COL25A1: variants seen among roughly 807,000 people sequenced by gnomAD.
COL25A1 encodes collagen alpha-1(XXV) chain.
In COL25A1, 103 loss-of-function variants were observed where a neutral mutation model predicts 128.4. The ratio of observed to expected loss-of-function variants is 0.80; its 90% CI spans 0.68 to 0.94. The LOEUF is 0.94. COL25A1 is among the 40% of genes least tolerant of loss of function. The pLI is 0.00. For synonymous variants in COL25A1, 279 were observed against 277.2 expected (o/e 1.01, Z -0.06); for missense variants, 745 against 840.0 (o/e 0.89, Z 1.40).
rs189901580 is a variant in COL25A1 at position 108,833,180 on chromosome 4, T to C, written c.1657-747A>G. ...CTGTTACACAAGTAGAAGAAAATTA[T>C]TAAGTAAATGAAAACAGTGTGTAAC... is the stretch of plus-strand genomic sequence containing the variant. On this transcript the variant is annotated intron_variant, in intron 31 of 37. Coordinates refer to ENST00000399132, the MANE Select transcript of COL25A1 (RefSeq NM_198721.4). Among the ~76,000 whole-genome samples, 6 of 152,248 alleles carry C rather than the reference T, an allele frequency of 3.9e-5. No homozygotes were observed. In the East Asian group the frequency reaches 1.2e-3, roughly 29 times the overall value.
intron 3 of COL25A1, among the ~76,000 whole-genome samples, chr4:109,074,761 A>C (rs1763251479): frequency 6.6e-6 from 1 of 152,216 alleles, no homozygotes; most frequent in Non-Finnish European, 1.5e-5. Flanking sequence ...CATACAGCTA[A>C]GAAAATCATA....
At chr4:109,253,532 T>G (rs13133009) in intron 3 of COL25A1, among the ~76,000 whole-genome samples, 9,389 of 152,272 alleles carry the variant, frequency 0.062, 475 homozygotes, top group East Asian at 0.24. Flanking sequence ...ATTAACTGTT[T>G]ATCTCATCCA....
chr4:109,121,585 C>T (rs1768110114), intron 3 of COL25A1, among the ~76,000 whole-genome samples: 1 of 152,026 alleles, frequency 6.6e-6, no homozygotes, highest in Admixed American at 6.6e-5. Context: ...TTACTATACA[C>T]CTATTAGAAT....
intron 6 of COL25A1, among the ~76,000 whole-genome samples, chr4:108,997,723 T>C (rs113838409): frequency 0.8 from 121,120 of 152,178 alleles, 49,362 homozygotes; most frequent in East Asian, 1. Flanking sequence ...CAAAAATCTT[T>C]AATAAAATAC....
intron 3 of COL25A1, among the ~76,000 whole-genome samples, chr4:109,163,134 T>G (rs1269061278): frequency 6.6e-6 from 1 of 152,076 alleles, no homozygotes; most frequent in Non-Finnish European, 1.5e-5. Flanking sequence ...AGGTTTGTAC[T>G]CCCCAGTAAA....
chr4:109,110,784 A>C (rs1373976003), intron 3 of COL25A1, among the ~76,000 whole-genome samples: 3 of 152,150 alleles, frequency 2.0e-5, no homozygotes, highest in Non-Finnish European at 4.4e-5. Flanking sequence ...CCACACAACA[A>C]ATAAGTTTCC....
intron 11 of COL25A1, among the ~76,000 whole-genome samples, chr4:108,937,074 G>A (rs1747506600): frequency 6.6e-6 from 1 of 152,052 alleles, no homozygotes; most frequent in South Asian, 2.1e-4. Flanking sequence ...TATCCAGGAT[G>A]AGTGTGAGCC....
At chr4:109,002,954 A>G (rs1755595315) in intron 6 of COL25A1, among the ~76,000 whole-genome samples, 2 of 152,036 alleles carry the variant, frequency 1.3e-5, no homozygotes, top group African/African-American at 4.8e-5. Flanking sequence ...GACAGGTTGC[A>G]GTGTGTGATG....
At chr4:109,052,210 GA>G (rs71848943) in intron 3 of COL25A1, among the ~76,000 whole-genome samples, 12,823 of 152,008 alleles carry the variant, frequency 0.084, 738 homozygotes, top group African/African-American at 0.16. Context: ...AGAAGATTAT[GA>G]AAAAAATGAT....
At chr4:108,922,425 A>G (rs1745591300) in intron 11 of COL25A1, among the ~76,000 whole-genome samples, 1 of 152,186 alleles carries the variant, frequency 6.6e-6, no homozygotes, top group Admixed American at 6.5e-5. Flanking sequence ...TTCAATTCAT[A>G]AAGGCTTGTT....
At chr4:108,985,145 A>T (rs999255686) in intron 6 of COL25A1, among the ~76,000 whole-genome samples, 1 of 152,054 alleles carries the variant, frequency 6.6e-6, no homozygotes. Flanking sequence ...GGCTTTTAAT[A>T]TGAGCTTCTA....
At chr4:109,196,667 C>A (rs140748366) in intron 3 of COL25A1, among the ~76,000 whole-genome samples, 6 of 152,290 alleles carry the variant, frequency 3.9e-5, no homozygotes, top group Admixed American at 1.3e-4. Flanking sequence ...TCAAAACATT[C>A]TTCTGTGTGT....
chr4:109,147,661 A>G (rs1404537879), intron 3 of COL25A1, among the ~76,000 whole-genome samples: 2 of 152,016 alleles, frequency 1.3e-5, no homozygotes, highest in Non-Finnish European at 2.9e-5. Flanking sequence ...TAGTCAAAAT[A>G]CAAAAATTAG....
rs769359014 is a variant in COL25A1 at position 108,940,506 on chromosome 4, G to A, written c.672+33C>T. 2.6e-6 allele frequency: 4 copies of A among 1,562,648 alleles called. No homozygotes were observed. The East Asian group carries it at 6.7e-5, about 26-fold the overall frequency. On this transcript the variant is annotated intron_variant, in intron 10 of 37. Transcript: ENST00000399132. Reference sequence around the variant, plus strand: ...CTCAGCCCTTAACATGAAGCAAAACGTGTGAGAATAAGTGATCCAAAAAGC... The same window carrying A: ...CTCAGCCCTTAACATGAAGCAAAACATGTGAGAATAAGTGATCCAAAAAGC...
At chr4:109,274,713 G>A (rs1363855041) in intron 3 of COL25A1, among the ~76,000 whole-genome samples, 1 of 151,778 alleles carries the variant, frequency 6.6e-6, no homozygotes, top group African/African-American at 2.4e-5. Context: ...AATATTAATT[G>A]GAAAATGACA....
Position 108,824,174 on chromosome 4 carries a change from CT to C in COL25A1, c.1844del (p.Lys615ArgfsTer53). The C allele has an allele frequency of 6.2e-7, 1 of 1,613,942 alleles. No individual in the cohort carries two copies. Among genetic ancestry groups the C allele is most frequent in the Non-Finnish European group, 8.5e-7 (1 of 1,179,920 alleles). On this transcript the variant is annotated frameshift_variant and splice_region_variant, in exon 35 of 38. Coordinates refer to ENST00000399132, the MANE Select transcript of COL25A1 (RefSeq NM_198721.4). LOFTEE classifies it high-confidence loss of function. ...GTACATGCTGGGATGGAGAGGTCAC[CT>C]TTTCTCCCTTTTCTCCTAGATCACC... ...EKGDLGEKGE[K>X]GFRGVKGEKG...
chr4:109,302,222 C>G lies in COL25A1; in HGVS notation c.-110G>C. 1.6e-6 allele frequency: 1 copy of G among 615,872 alleles called. No homozygotes were observed. The highest frequency in any genetic ancestry group is 2.6e-6 in the Non-Finnish European group (1 of 378,490). The allele number at this position is 615,872 out of a possible 1,614,324, so 38.2% of individuals were successfully genotyped here. On this transcript the variant is annotated 5_prime_UTR_variant, in exon 1 of 38. Coordinates refer to ENST00000399132, the MANE Select transcript of COL25A1 (RefSeq NM_198721.4). ...AGGCGTGCACCATCCCCGCTTTCTT[C>G]TCTCCTCCCAGCTGGAAGTGAAAAG...
intron 3 of COL25A1, among the ~76,000 whole-genome samples, chr4:109,277,990 C>A (rs969897931): frequency 6.6e-6 from 1 of 152,010 alleles, no homozygotes; most frequent in African/African-American, 2.4e-5. Context: ...AAAAAATTAG[C>A]CAGGCATGGT....
intron 37 of COL25A1, among the ~76,000 whole-genome samples, chr4:108,815,601 T>C (rs1049433316): frequency 1.3e-5 from 2 of 152,126 alleles, no homozygotes; most frequent in Non-Finnish European, 2.9e-5. Flanking sequence ...TCATAAGATC[T>C]TTAATCTTAT....
Sources: gnomAD v4.1 joint callset for allele counts (sites outside exome capture counted in the v4.1 genomes callset) on GRCh38, gnomAD v4.1.1 for gene constraint, MANE v1.5 for transcripts, NCBI Gene and HGNC (gene_info 2026-07-23, HGNC 2026-07-21) for gene names.